GALNT14: variants seen among roughly 807,000 people sequenced by gnomAD.
The protein encoded by GALNT14 is polypeptide N-acetylgalactosaminyltransferase 14, also known as UDP-GalNAc:polypeptide N-acetylgalactosaminyltransferase 14.
A neutral mutation model predicts 77.5 loss-of-function variants in GALNT14; 60 were observed. The observed-to-expected ratio is 0.77, with a 90% CI of 0.63 to 0.96. The LOEUF (loss-of-function observed/expected upper bound fraction) is 0.96, where lower values mean the gene tolerates loss of function less well. Ranked by LOEUF, GALNT14 falls within the 40% of genes least tolerant of loss-of-function variation. The pLI is 0.00. For missense variants in GALNT14, 710 were observed against 731.0 expected, an observed-to-expected ratio of 0.97 and a Z score of 0.33; for synonymous variants, 280 against 281.7, an observed-to-expected ratio of 0.99 and a Z score of 0.06.
intron 13 of GALNT14, among the ~76,000 whole-genome samples, chr2:30,917,353 C>G (rs1664747836): frequency 6.6e-6 from 1 of 152,146 alleles, no homozygotes; most frequent in African/African-American, 2.4e-5. Flanking sequence ...CAGGACAACC[C>G]CTCAACAAAG....
chr2:30,932,168 C>G lies in GALNT14; in HGVS notation c.958G>C (p.Gly320Arg), dbSNP rs376736831. 6.5e-7 allele frequency: 1 copy of G among 1,540,422 alleles called. No homozygotes were observed. Among genetic ancestry groups the G allele is most frequent in the African/African-American group, 1.4e-5 (1 of 71,420 alleles). The part of the protein sequence containing the change: ...FEISFRVWMC[G>R]GSLEIVPCSR... Reference sequence around the variant, plus strand: ...CAGGGGACGATCTCTAGGCTGCCCCCGCACATCCACACTCGGAAGGAGATT... The same window carrying G: ...CAGGGGACGATCTCTAGGCTGCCCCGGCACATCCACACTCGGAAGGAGATT... Residue 320 changes from glycine (G) to arginine (R), a missense_variant, in exon 10 of 15, where the codon GGG becomes CGG. Coordinates refer to ENST00000349752, the MANE Select transcript of GALNT14 (RefSeq NM_024572.4).
intron 1 of GALNT14, among the ~76,000 whole-genome samples, chr2:31,045,789 T>C (rs1409020642): frequency 6.6e-6 from 1 of 152,128 alleles, no homozygotes; most frequent in Non-Finnish European, 1.5e-5. Flanking sequence ...AACTGGCCAT[T>C]TCTCCCTGTT....
At chr2:30,912,425 T>G (rs1394681504) in intron 13 of GALNT14, 83 bp from the exon 14 acceptor site, 1 of 1,508,334 alleles carries the variant, frequency 6.6e-7, no homozygotes, top group Non-Finnish European at 9.0e-7. Context: ...ACGGGTGTGA[T>G]TAGCACAGGC....
At chr2:31,096,223 G>A (rs756562278) in intron 1 of GALNT14, among the ~76,000 whole-genome samples, 79 of 152,132 alleles carry the variant, frequency 5.2e-4, no homozygotes, top group Admixed American at 1.3e-4. Flanking sequence ...TTTAAGATCA[G>A]CTAACTAGCA....
At chr2:30,945,727 A>T in intron 7 of GALNT14, 56 bp downstream of exon 7, 1 of 1,378,900 alleles carries the variant, frequency 7.3e-7, no homozygotes, top group South Asian at 1.2e-5. Context: ...ACTTAAAAGC[A>T]GTGACTGAGA....
chr2:31,031,593 A>G (rs1672416937), intron 1 of GALNT14, among the ~76,000 whole-genome samples: 1 of 152,136 alleles, frequency 6.6e-6, no homozygotes, highest in South Asian at 2.1e-4. Context: ...TCTCACCTCC[A>G]ACTCACCAAG....
chr2:31,084,481 C>T (rs1410504968), intron 1 of GALNT14, among the ~76,000 whole-genome samples: 1 of 152,192 alleles, frequency 6.6e-6, no homozygotes, highest in African/African-American at 2.4e-5. Context: ...GTTGATGTGT[C>T]TAGCTCCAGA....
chr2:30,922,575 T>C (rs1208503886), intron 13 of GALNT14, among the ~76,000 whole-genome samples: 3 of 152,198 alleles, frequency 2.0e-5, no homozygotes, highest in Non-Finnish European at 2.9e-5. Context: ...TGGGCCACCC[T>C]TTCTTCCCTT....
At chr2:31,112,859 C>T (rs1677912465) in intron 1 of GALNT14, among the ~76,000 whole-genome samples, 2 of 152,212 alleles carry the variant, frequency 1.3e-5, no homozygotes, top group South Asian at 4.1e-4. Context: ...GCTTCTGGAA[C>T]TCTTACTTTG....
At position 30,966,301 on chromosome 2, in the gene GALNT14, A is replaced by G. The variant is rs1417952059; in HGVS notation, c.301T>C (p.Cys101Arg). The change falls in exon 3 of 15, where the codon TGC (cysteine) becomes CGC (arginine). Residue 101 changes from cysteine to arginine, a missense_variant and splice_region_variant. By Grantham distance (180) the Cys-to-Arg change is radical. Transcript: ENST00000349752. ...TCCGTGCAATACACCAGCAGTGTGC[A>G]TCTGGGGAAGGAAAGGCACAGGGCA... Reference protein sequence around the residue: ...RAIPDTRHLRCTLLVYCTDLP... With the variant: ...RAIPDTRHLRRTLLVYCTDLP... 9.3e-6 allele frequency: 15 copies of G among 1,611,926 alleles called. No homozygotes were observed. Among genetic ancestry groups the G allele is most frequent in the Admixed American group, 6.7e-5 (4 of 59,990 alleles).
intron 9 of GALNT14, among the ~76,000 whole-genome samples, chr2:30,936,754 A>T (rs1458921646): frequency 6.6e-6 from 1 of 152,120 alleles, no homozygotes; most frequent in Non-Finnish European, 1.5e-5. Flanking sequence ...TGTGAGCAAA[A>T]CTGCATTTCA....
intron 1 of GALNT14, chr2:31,125,325 G>A (rs929092463): frequency 2.7e-6 from 3 of 1,099,038 alleles, no homozygotes; most frequent in Admixed American, 4.0e-5. Context: ...TGATTTCACA[G>A]AGATCTTACC....
intron 1 of GALNT14, among the ~76,000 whole-genome samples, chr2:31,045,929 T>A (rs943937707): frequency 6.6e-5 from 10 of 152,320 alleles, no homozygotes; most frequent in Middle Eastern, 3.4e-3. Context: ...TATTCTATAC[T>A]ATCATCCTGT....
In GALNT14 at chr2:30,956,072, G is replaced by T. The variant is rs1161721764; in HGVS notation, c.467-95C>A. ...GCAGGTGAACCTGAAGGGTAGGTGA[G>T]GCAGCCCTGTCCACTGTCCCCTAAC... is the stretch of plus-strand genomic sequence containing the variant. On this transcript the variant is annotated intron_variant, in intron 4 of 14. Transcript: ENST00000349752. 3 of 1,230,516 alleles carry T rather than the reference G, an allele frequency of 2.4e-6. No homozygotes were observed. The African/African-American group carries it at 4.4e-5, about 18-fold the overall frequency. 76.2% of individuals were successfully genotyped at this position (1,230,516 alleles called of 1,614,324 possible). A position where few individuals can be genotyped will look rare whatever the true frequency, so the allele number is the denominator to read the frequency against.
intron 1 of GALNT14, among the ~76,000 whole-genome samples, chr2:31,039,541 C>T (rs775838716): frequency 1.3e-5 from 2 of 152,190 alleles, no homozygotes; most frequent in Non-Finnish European, 2.9e-5. Context: ...ATTTTCCATC[C>T]AGTGGCCAAT....
At chr2:31,092,089 G>T (rs887560236) in intron 1 of GALNT14, among the ~76,000 whole-genome samples, 18 of 152,110 alleles carry the variant, frequency 1.2e-4, no homozygotes, top group African/African-American at 3.9e-4. Flanking sequence ...TACACCAGTG[G>T]TTCGCCTGGA....
At position 31,138,055 on chromosome 2, in the gene GALNT14, G is replaced by A. The variant is rs1679308238; in HGVS notation, c.32C>T (p.Pro11Leu). The change falls in exon 1 of 15, where the codon CCA (proline) becomes CTA (leucine). Residue 11 changes from proline to leucine, a missense_variant. Coordinates refer to ENST00000349752, the MANE Select transcript of GALNT14 (RefSeq NM_024572.4). ...CGTGATCCAGAGCACCCCGAAGACT[G>A]GCAGAACCAGCCGACGAGTCAGGCG... MRRLTRRLVL[P>L]VFGVLWITVL... 1.2e-6 allele frequency: 2 copies of A among 1,613,702 alleles called. No individual in the cohort carries two copies. Among genetic ancestry groups the A allele is most frequent in the Non-Finnish European group, 1.7e-6 (2 of 1,179,812 alleles).
rs538541198 is a variant in GALNT14 at position 31,073,225 on chromosome 2, G to A, written c.129+64733C>T. On this transcript the variant is annotated intron_variant, in intron 1 of 14. Coordinates refer to ENST00000349752, the MANE Select transcript of GALNT14 (RefSeq NM_024572.4). ...GACTCACTCTGTGGGATTTTTGTGA[G>A]GTTTAGATAATAGAAATAACTTTGC... is the stretch of plus-strand genomic sequence containing the variant. 9 of 152,272 alleles carry A rather than the reference G, an allele frequency of 5.9e-5. No homozygotes were observed. The South Asian group carries it at 1.7e-3, about 28-fold the overall frequency. 9.4% of individuals were successfully genotyped at this position (152,272 alleles called of 1,614,324 possible). A position where few individuals can be genotyped will look rare whatever the true frequency, so the allele number is the denominator to read the frequency against.
At chr2:30,942,790 T>C (rs573684527) in intron 8 of GALNT14, among the ~76,000 whole-genome samples, 2 of 152,294 alleles carry the variant, frequency 1.3e-5, no homozygotes, top group African/African-American at 4.8e-5. Context: ...GGGCTCTCTC[T>C]CCTTTTTTTT....
Sources: gnomAD v4.1 joint callset for allele counts (sites outside exome capture counted in the v4.1 genomes callset) on GRCh38, gnomAD v4.1.1 for gene constraint, MANE v1.5 for transcripts, NCBI Gene and HGNC (gene_info 2026-07-23, HGNC 2026-07-21) for gene names.